Variants in USP40 observed in about 807,000 individuals in gnomAD.
USP40 encodes ubiquitin carboxyl-terminal hydrolase 40.
Under a neutral mutation model 166.2 loss-of-function variants are expected in USP40, and 143 were observed. The ratio of observed to expected loss-of-function variants is 0.86; its 90% CI spans 0.75 to 0.99. The LOEUF (loss-of-function observed/expected upper bound fraction) is 0.99, where lower values mean the gene tolerates loss of function less well. Ranked by LOEUF, USP40 falls within the 50% of genes least tolerant of loss-of-function variation. The probability of loss-of-function intolerance (pLI) is 0.00; values close to 1 mark genes in which losing one functional copy is unlikely to be tolerated. For synonymous variants in USP40, 498 were observed against 524.0 expected (o/e 0.95, Z 0.68); for missense variants, 1,444 against 1,479.7 (o/e 0.98, Z 0.40).
At chr2:233,536,644 C>T (rs1038158077) in intron 10 of USP40, among the ~76,000 whole-genome samples, 2 of 152,118 alleles carry the variant, frequency 1.3e-5, no homozygotes, top group African/African-American at 4.8e-5. Context: ...GAGTGAGATC[C>T]TGTCTCAAAC....
intron 9 of USP40, 48 bp from the exon 10 acceptor site, chr2:233,540,817 T>C (rs766139988): frequency 1.5e-6 from 2 of 1,325,092 alleles, no homozygotes; most frequent in African/African-American, 2.9e-5. Flanking sequence ...GAGAAATAAT[T>C]GCATACTTAA....
At chr2:233,511,572 A>G (rs2066838000) in intron 20 of USP40, 137 bp downstream of exon 20, 2 of 586,542 alleles carry the variant, frequency 3.4e-6, no homozygotes, top group Non-Finnish European at 5.9e-6. Flanking sequence ...CTATAAGGAT[A>G]TATTCCTAAA....
intron 21 of USP40, among the ~76,000 whole-genome samples, chr2:233,509,387 T>C (rs763519072): frequency 1.3e-5 from 2 of 152,172 alleles, no homozygotes; most frequent in Non-Finnish European, 1.5e-5. Flanking sequence ...TGTGTGTGTA[T>C]ATAAATACTA....
At chr2:233,509,516 TAGAA>T (rs2066650132) in intron 21 of USP40, among the ~76,000 whole-genome samples, 3 of 152,078 alleles carry the variant, frequency 2.0e-5, no homozygotes, top group African/African-American at 7.2e-5. Flanking sequence ...CTATTATTGA[TAGAA>T]AGAAAAAAAT....
At chr2:233,519,836 G>T (rs2067529911) in intron 17 of USP40, among the ~76,000 whole-genome samples, 165 bp from the exon 18 acceptor site, 1 of 152,068 alleles carries the variant, frequency 6.6e-6, no homozygotes, top group Non-Finnish European at 1.5e-5. Context: ...CCTTTTATAA[G>T]ATCAAAAGCA....
chr2:233,540,579 C>G lies in USP40; in HGVS notation c.1170+83G>C, dbSNP rs942088416. ...TTTTATTTTCACCTATTTTAAATAT[C>G]CTTCTGCAAAGGAATTCATGTTGTT... On this transcript the variant is annotated intron_variant, in intron 10 of 31. Coordinates refer to ENST00000678225, the MANE Select transcript of USP40 (RefSeq NM_001365479.2). The G allele has an allele frequency of 1.0e-5, 8 of 784,926 alleles. No homozygotes were observed. The East Asian group carries it at 1.1e-4, about 10-fold the overall frequency. 48.6% of individuals were successfully genotyped at this position (784,926 alleles called of 1,614,324 possible). A position where few individuals can be genotyped will look rare whatever the true frequency, so the allele number is the denominator to read the frequency against.
intron 10 of USP40, among the ~76,000 whole-genome samples, chr2:233,539,383 T>G (rs769067592): frequency 2.0e-5 from 3 of 151,912 alleles, no homozygotes; most frequent in Admixed American, 6.6e-5. Context: ...TCCTAAGAAA[T>G]TCAAAAGAAC....
intron 27 of USP40, 44 bp from the exon 28 acceptor site, chr2:233,488,348 T>A: frequency 6.7e-7 from 1 of 1,496,596 alleles, no homozygotes; most frequent in Non-Finnish European, 9.0e-7. Flanking sequence ...ACATAACATT[T>A]AATTTTCTTG....
chr2:233,502,247 A>G (rs537450086), intron 21 of USP40, among the ~76,000 whole-genome samples: 94 of 152,334 alleles, frequency 6.2e-4, no homozygotes, highest in Admixed American at 4.4e-3. Flanking sequence ...AAAGTTAAAA[A>G]GGCCAGTAAA....
At chr2:233,482,294 G>A (rs2064661827) in intron 30 of USP40, among the ~76,000 whole-genome samples, 1 of 151,898 alleles carries the variant, frequency 6.6e-6, no homozygotes, top group South Asian at 2.1e-4. Flanking sequence ...AACTCGGGAG[G>A]TGGAGGTTCC....
rs901350497 is a variant in USP40 at position 233,565,382 on chromosome 2, G to A, written c.173C>T (p.Thr58Ile). ...TCTGAATTCAGGTGTGAAATGAAGA[G>A]TCTGAAGAAGGGAATTGAGGTAACA... Reference protein sequence around the residue: ...GTCYLNSLLQTLHFTPEFREA... With the variant: ...GTCYLNSLLQILHFTPEFREA... The change falls in exon 2 of 32, where the codon ACT becomes ATT. Residue 58 changes from threonine to isoleucine, a missense_variant. Thr to Ile is a moderately conservative substitution (Grantham distance 89). Coordinates refer to ENST00000678225, the MANE Select transcript of USP40 (RefSeq NM_001365479.2). 6.5e-7 allele frequency: 1 copy of A among 1,537,122 alleles called. No individual in the cohort carries two copies. The highest frequency in any genetic ancestry group is 1.4e-5 in the African/African-American group (1 of 73,032).
rs984776798 is a variant in USP40, at chr2:233,481,570, C to T, written c.3505-273G>A. The T allele has an allele frequency of 1.8e-4, 82 of 463,666 alleles. No homozygotes were observed. The Middle Eastern group carries it at 1.8e-3, about 10-fold the overall frequency. 28.7% of individuals were successfully genotyped at this position (463,666 alleles called of 1,614,324 possible). ...CACTGCGAGTGGCCAAACAGGGGGA[C>T]TTTAAAGGGCTACCAGGCAACATGA... On this transcript the variant is annotated intron_variant, in intron 30 of 31. Transcript: ENST00000678225.
intron 24 of USP40, among the ~76,000 whole-genome samples, chr2:233,496,048 GA>G (rs2065732979): frequency 6.6e-6 from 1 of 152,194 alleles, no homozygotes; most frequent in South Asian, 2.1e-4. Context: ...GATACAGGAG[GA>G]AAAATCAGCT....
At chr2:233,514,774 A>G (rs1028835728) in intron 18 of USP40, among the ~76,000 whole-genome samples, 1 of 152,156 alleles carries the variant, frequency 6.6e-6, no homozygotes, top group Non-Finnish European at 1.5e-5. Flanking sequence ...CTGAGTTATA[A>G]TTTTCTTATA....
intron 28 of USP40, chr2:233,487,911 G>T: frequency 1.8e-6 from 1 of 560,130 alleles, no homozygotes; most frequent in Admixed American, 2.2e-5. Flanking sequence ...GAGCAATGAT[G>T]AATCCGTTGG....
chr2:233,553,061 T>C (rs200397517), intron 6 of USP40, among the ~76,000 whole-genome samples: 13 of 151,884 alleles, frequency 8.6e-5, no homozygotes, highest in African/African-American at 2.9e-4. Context: ...GTTGATGCCA[T>C]AGAAGCTGAG....
rs1553558057 is a variant in USP40, at chr2:233,494,928, A to ATATATT, written c.2791-1378_2791-1377insAATATA. On this transcript the variant is annotated intron_variant, in intron 24 of 31. Transcript: ENST00000678225. ...CAAGCAAAATGGCATATATATATAT[A>ATATATT]TATATATATATATATATATATATAT... 1.8e-3 allele frequency among the ~76,000 whole-genome samples: 63 copies of ATATATT among 35,146 alleles called. 1 individual carries two copies. The highest frequency in any genetic ancestry group is 3.4e-3 in the South Asian group (5 of 1,454). 23.1% of individuals were successfully genotyped at this position (35,146 alleles called of 152,430 possible). A position where few individuals can be genotyped will look rare whatever the true frequency, so the allele number is the denominator to read the frequency against.
At chr2:233,502,384 T>A (rs540190312) in intron 21 of USP40, among the ~76,000 whole-genome samples, 81 of 152,278 alleles carry the variant, frequency 5.3e-4, no homozygotes, top group Non-Finnish European at 9.1e-4. Flanking sequence ...TTAAAAAAAA[T>A]TTTTGGAATA....
intron 18 of USP40, among the ~76,000 whole-genome samples, chr2:233,518,094 T>C (rs1001510372): frequency 2.3e-4 from 35 of 151,598 alleles, no homozygotes; most frequent in African/African-American, 7.8e-4. Context: ...GCTCGTGTGA[T>C]AGGTGCACCA....
Sources: gnomAD v4.1 joint callset for allele counts (sites outside exome capture counted in the v4.1 genomes callset) on GRCh38, gnomAD v4.1.1 for gene constraint, MANE v1.5 for transcripts, NCBI Gene and HGNC (gene_info 2026-07-23, HGNC 2026-07-21) for gene names.